CDH13: variants seen among roughly 807,000 people sequenced by gnomAD.
CDH13 encodes cadherin-13.
A neutral mutation model predicts 63.8 loss-of-function variants in CDH13; 24 were observed. The ratio of observed to expected loss-of-function variants is 0.38; its 90% CI spans 0.27 to 0.53. The LOEUF is 0.53. Ranked by LOEUF, CDH13 falls within the 20% of genes least tolerant of loss-of-function variation. CDH13 has a pLI of 0.85. For synonymous variants in CDH13, 503 were observed against 355.3 expected (o/e 1.42, Z -4.67); for missense variants, 1,049 against 903.1 (o/e 1.16, Z -2.07).
intron 1 of CDH13, among the ~76,000 whole-genome samples, chr16:82,763,441 C>T (rs1162794444): frequency 6.6e-6 from 1 of 152,104 alleles, no homozygotes; most frequent in Non-Finnish European, 1.5e-5. Flanking sequence ...TGGCAGAGCA[C>T]CTGTGACATA....
intron 8 of CDH13, among the ~76,000 whole-genome samples, chr16:83,632,114 G>T (rs1032184707): frequency 2.0e-5 from 3 of 152,172 alleles, no homozygotes; most frequent in African/African-American, 7.2e-5. Flanking sequence ...CAGGGAGGAG[G>T]CAAGCAGGGA....
At chr16:83,704,400 C>T (rs1434798508) in intron 10 of CDH13, among the ~76,000 whole-genome samples, 1 of 151,858 alleles carries the variant, frequency 6.6e-6, no homozygotes, top group East Asian at 1.9e-4. Flanking sequence ...CACCAAGCCC[C>T]TTACAAGCTT....
chr16:83,254,052 A>C (rs958963074), intron 5 of CDH13, among the ~76,000 whole-genome samples: 1 of 152,200 alleles, frequency 6.6e-6, no homozygotes, highest in African/African-American at 2.4e-5. Context: ...TCCTGAGAGA[A>C]GGACAAGACG....
intron 4 of CDH13, among the ~76,000 whole-genome samples, chr16:83,171,024 C>G (rs1390660762): frequency 1.3e-5 from 2 of 152,014 alleles, no homozygotes; most frequent in Non-Finnish European, 2.9e-5. Context: ...CTGTATTAGG[C>G]CATTCTCACA....
At chr16:83,557,766 T>TGATACCA (rs2075631880) in intron 7 of CDH13, among the ~76,000 whole-genome samples, 1 of 152,170 alleles carries the variant, frequency 6.6e-6, no homozygotes, top group African/African-American at 2.4e-5. Context: ...TGCCCATTTG[T>TGATACCA]GATACCAGTT....
At chr16:82,700,974 C>CCCCCCCCCCCCCCCG (rs1491560033) in intron 1 of CDH13, among the ~76,000 whole-genome samples, 1 of 39,586 alleles carries the variant, frequency 2.5e-5, no homozygotes, top group Non-Finnish European at 7.2e-5. Flanking sequence ...CCCCCCCCCC[C>CCCCCCCCCCCCCCCG]GCCCCGGGCA....
rs559074879 is a variant in CDH13, at chr16:83,729,602, C to T, written c.1539-18506C>T. On this transcript the variant is annotated intron_variant, in intron 10 of 13. Transcript: ENST00000567109. The stretch of plus-strand genomic sequence containing the variant: ...CACTTACTAGCTGTGTGTCCTGGAC[C>T]CAGCTACTTAGTCCCTCACCACCTC... 2.0e-5 allele frequency among the ~76,000 whole-genome samples: 3 copies of T among 152,308 alleles called. No individual in the cohort carries two copies. In the South Asian group the frequency reaches 6.2e-4, roughly 32 times the overall value.
intron 7 of CDH13, among the ~76,000 whole-genome samples, chr16:83,587,400 C>G (rs928509446): frequency 8.5e-5 from 13 of 152,184 alleles, no homozygotes; most frequent in African/African-American, 2.7e-4. Context: ...GTTTTAGAAA[C>G]ATCCACCGAC....
intron 1 of CDH13, among the ~76,000 whole-genome samples, chr16:82,682,117 C>T (rs926278386): frequency 1.3e-5 from 2 of 152,240 alleles, no homozygotes; most frequent in Non-Finnish European, 2.9e-5. Flanking sequence ...TGAGAAGACA[C>T]TGGCTTGTGT....
At chr16:83,374,599 T>A (rs76390957) in intron 6 of CDH13, among the ~76,000 whole-genome samples, 3,590 of 152,272 alleles carry the variant, frequency 0.024, 85 homozygotes, top group African/African-American at 0.057. Context: ...CGTACCCACT[T>A]CAGGATATGA....
At chr16:83,699,165 G>A (rs371080952) in intron 10 of CDH13, among the ~76,000 whole-genome samples, 3 of 152,334 alleles carry the variant, frequency 2.0e-5, no homozygotes, top group African/African-American at 7.2e-5. Context: ...CAAAGCACGG[G>A]CATTGTGAAA....
At chr16:82,896,033 GA>G (rs1356140266) in intron 2 of CDH13, among the ~76,000 whole-genome samples, 1 of 152,070 alleles carries the variant, frequency 6.6e-6, no homozygotes, top group Non-Finnish European at 1.5e-5. Flanking sequence ...ACCTCTTTAA[GA>G]GCTCTTCACT....
At chr16:83,718,095 G>C (rs991167120) in intron 10 of CDH13, among the ~76,000 whole-genome samples, 4 of 152,234 alleles carry the variant, frequency 2.6e-5, no homozygotes, top group Non-Finnish European at 4.4e-5. Context: ...ACAAGGGTTA[G>C]GGTGAAAATA....
intron 5 of CDH13, among the ~76,000 whole-genome samples, chr16:83,228,806 G>C (rs948068153): frequency 6.6e-6 from 1 of 152,196 alleles, no homozygotes; most frequent in African/African-American, 2.4e-5. Flanking sequence ...AGGGACAAAT[G>C]ATGGAGGATT....
At chr16:83,586,694 C>G (rs532350733) in intron 7 of CDH13, among the ~76,000 whole-genome samples, 16 of 152,244 alleles carry the variant, frequency 1.1e-4, no homozygotes, top group South Asian at 2.1e-4. Flanking sequence ...TCAGGGCAGT[C>G]TATTAGGCAT....
At position 82,833,346 on chromosome 16, in the gene CDH13, A is replaced by G. The variant is rs187056067; in HGVS notation, c.46-25016A>G. On this transcript the variant is annotated intron_variant, in intron 1 of 13. Coordinates refer to ENST00000567109, the MANE Select transcript of CDH13 (RefSeq NM_001257.5). ...CATTTTCGTGGAGGTATCCAACTTC[A>G]GCTCTTATGGAAAAGAAAGTGCCTC... Among the ~76,000 whole-genome samples the G allele has an allele frequency of 2.0e-3, 302 of 152,324 alleles. 1 individual carries two copies. The highest frequency in any genetic ancestry group is 3.7e-3 in the East Asian group (19 of 5,174).
chr16:82,701,356 C>A (rs963715732), intron 1 of CDH13, among the ~76,000 whole-genome samples: 19 of 152,126 alleles, frequency 1.2e-4, no homozygotes, highest in Non-Finnish European at 2.2e-4. Context: ...CTTTGACTTC[C>A]ATCCTGATTA....
At chr16:83,135,275 G>C (rs1567864083) in intron 4 of CDH13, among the ~76,000 whole-genome samples, 1 of 152,222 alleles carries the variant, frequency 6.6e-6, no homozygotes, top group Non-Finnish European at 1.5e-5. Flanking sequence ...CGGCAATGCT[G>C]AGACCCAAAA....
intron 2 of CDH13, among the ~76,000 whole-genome samples, chr16:82,874,562 C>A (rs1268771481): frequency 6.6e-6 from 1 of 151,956 alleles, no homozygotes; most frequent in Non-Finnish European, 1.5e-5. Flanking sequence ...ATTCTGAAGA[C>A]CTCCCAGAGG....
Sources: gnomAD v4.1 joint callset for allele counts (sites outside exome capture counted in the v4.1 genomes callset) on GRCh38, gnomAD v4.1.1 for gene constraint, MANE v1.5 for transcripts, NCBI Gene and HGNC (gene_info 2026-07-23, HGNC 2026-07-21) for gene names.